Variants in JAK2 observed in about 807,000 individuals in gnomAD.
JAK2 encodes the protein tyrosine-protein kinase JAK2.
A neutral mutation model predicts 139.3 loss-of-function variants in JAK2; 86 were observed. The observed-to-expected ratio is 0.62, with a 90% CI of 0.52 to 0.74. The LOEUF is 0.74. Ranked by LOEUF, JAK2 falls within the 30% of genes least tolerant of loss-of-function variation. The pLI is 0.00. For missense variants in JAK2, 1,421 were observed against 1,360.3 expected (o/e 1.04, Z -0.70); for synonymous variants, 490 against 437.7 (o/e 1.12, Z -1.49).
chr9:5,059,355 A>G (rs756693077), intron 8 of JAK2, among the ~76,000 whole-genome samples: 2 of 152,180 alleles, frequency 1.3e-5, no homozygotes, highest in Admixed American at 6.6e-5. Context: ...TTTAGTTAGT[A>G]TAATGTTTGG....
rs533254998 is a variant in JAK2, at chr9:5,112,672, C to T, written c.3060-10332C>T. ...CCAAACTCCTTATCCTGCACCAGGCCGTCTCGGTCATCCTGAATTTGGAGC... is the reference window on the plus strand; with the variant it reads ...CCAAACTCCTTATCCTGCACCAGGCTGTCTCGGTCATCCTGAATTTGGAGC... On this transcript the variant is annotated intron_variant, in intron 22 of 24. Transcript: ENST00000381652. 11 of 946,248 alleles carry T rather than the reference C, an allele frequency of 1.2e-5. No homozygotes were observed. The East Asian group carries it at 2.1e-4, about 18-fold the overall frequency. 58.6% of individuals were successfully genotyped at this position (946,248 alleles called of 1,614,324 possible).
intron 8 of JAK2, among the ~76,000 whole-genome samples, chr9:5,062,810 T>C (rs997944028): frequency 6.6e-6 from 1 of 152,180 alleles, no homozygotes; most frequent in African/African-American, 2.4e-5. Flanking sequence ...TTTCCTTAAT[T>C]AGAACCTGAG....
In JAK2 at chr9:5,126,497, T is replaced by C. The variant is rs776977603; in HGVS notation, c.3291+51T>C. On this transcript the variant is annotated intron_variant, in intron 24 of 24. Transcript: ENST00000381652. ...TAGTCATGCATTTTCTTTTACTTTT[T>C]ACTCAAGGACTTCAGTTCACTTCCT... The C allele has an allele frequency of 9.3e-5, 119 of 1,276,546 alleles. No individual in the cohort carries two copies. The South Asian group carries it at 1.4e-3, about 15-fold the overall frequency. The allele number at this position is 1,276,546 out of a possible 1,614,324, so 79.1% of individuals were successfully genotyped here.
At chr9:4,996,414 C>G (rs1311986516) in intron 2 of JAK2, among the ~76,000 whole-genome samples, 1 of 151,908 alleles carries the variant, frequency 6.6e-6, no homozygotes, top group East Asian at 1.9e-4. Context: ...TGCCATTGCA[C>G]TCTAGCCTGG....
chr9:5,077,108 C>G (rs1359632103), intron 14 of JAK2, among the ~76,000 whole-genome samples: 1 of 151,402 alleles, frequency 6.6e-6, no homozygotes, highest in Non-Finnish European at 1.5e-5. Flanking sequence ...GTTTGAATGT[C>G]TAAAAAGTTA....
At position 5,105,137 on chromosome 9, in the gene JAK2, C is replaced by T. The variant is rs557272334; in HGVS notation, c.3059+14226C>T. 3.3e-5 allele frequency among the ~76,000 whole-genome samples: 5 copies of T among 152,288 alleles called. No individual in the cohort carries two copies. The East Asian group carries it at 7.7e-4, about 24-fold the overall frequency. On this transcript the variant is annotated intron_variant, in intron 22 of 24. Transcript: ENST00000381652. ...TCAAATTGTCCCTGTTTGCAGATGA[C>T]ACGACTGTATATTTAGAAAACTTGG...
intron 18 of JAK2, 59 bp from the exon 19 acceptor site, chr9:5,081,666 G>A (rs1390149967): frequency 3.2e-6 from 4 of 1,265,492 alleles, no homozygotes; most frequent in Non-Finnish European, 4.6e-6. Flanking sequence ...ATGTATATCA[G>A]TTTAGTCCAG....
rs192951425 is a variant in JAK2, at chr9:5,041,201, C to G, written c.351-3202C>G. The G allele has an allele frequency of 4.3e-5, 62 of 1,451,450 alleles. No homozygotes were observed. The East Asian group carries it at 1.4e-3, about 33-fold the overall frequency. 89.9% of individuals were successfully genotyped at this position (1,451,450 alleles called of 1,614,324 possible). ...GAACCTCATTTACCAGGACGTGAAG[C>G]CCGAGAACTTCCTGGTGGGGCGCCC... On this transcript the variant is annotated intron_variant, in intron 4 of 24. Coordinates refer to ENST00000381652, the MANE Select transcript of JAK2 (RefSeq NM_004972.4).
chr9:5,018,649 C>T (rs147338283), intron 2 of JAK2, among the ~76,000 whole-genome samples: 46 of 152,278 alleles, frequency 3.0e-4, no homozygotes, highest in African/African-American at 1.1e-3. Flanking sequence ...TGACATTGTT[C>T]TTTGACTTCC....
chr9:5,087,198 G>A (rs766102641), intron 19 of JAK2, among the ~76,000 whole-genome samples: 17 of 152,210 alleles, frequency 1.1e-4, no homozygotes, highest in African/African-American at 1.4e-4. Context: ...TTAATTGACT[G>A]ACAGTTACCC....
At chr9:5,112,050 G>T in intron 22 of JAK2, 1 of 409,152 alleles carries the variant, frequency 2.4e-6, no homozygotes. Context: ...ACCCAGCTAC[G>T]ACGGGGGTCT....
rs1400713508 is a variant in JAK2 at position 5,129,822 on chromosome 9, C to G, written c.*3031C>G. 6.6e-6 allele frequency among the ~76,000 whole-genome samples: 1 copy of G among 152,036 alleles called. No individual in the cohort carries two copies. The highest frequency in any genetic ancestry group is 2.4e-5 in the African/African-American group (1 of 41,406). On this transcript the variant is annotated 3_prime_UTR_variant, in exon 25 of 25. Transcript: ENST00000381652. ...AAATTCATGTATGTATATCATATAG[C>G]CTTTAACTTTTTACATTAATCAGAT...
chr9:5,065,161 C>T (rs1404018199), intron 9 of JAK2, 121 bp downstream of exon 9: 2 of 546,312 alleles, frequency 3.7e-6, no homozygotes, highest in Non-Finnish European at 2.9e-6. Flanking sequence ...TTTTTTTAAA[C>T]AAAAGGCTAT....
chr9:5,035,059 C>T (rs28861154), intron 4 of JAK2, among the ~76,000 whole-genome samples: 37,229 of 151,942 alleles, frequency 0.25, 4,663 homozygotes, highest in Middle Eastern at 0.27. Flanking sequence ...GATATCAACC[C>T]GATCCCACAG....
intron 22 of JAK2, chr9:5,097,015 A>T (rs903469582): frequency 6.6e-6 from 1 of 152,090 alleles, no homozygotes; most frequent in African/African-American, 2.4e-5. Flanking sequence ...TGCATCCTCA[A>T]TAGAAGCCGG....
chr9:5,004,896 A>T (rs983326168), intron 2 of JAK2, among the ~76,000 whole-genome samples: 9 of 149,186 alleles, frequency 6.0e-5, no homozygotes, highest in Non-Finnish European at 1.2e-4. Context: ...TTTCATGAAC[A>T]TGTTGGCCAT....
intron 16 of JAK2, 63 bp downstream of exon 16, chr9:5,078,507 C>T (rs1435260239): frequency 6.3e-6 from 8 of 1,268,926 alleles, no homozygotes; most frequent in Admixed American, 2.3e-5. Context: ...GTGTAAAGGG[C>T]ATGTTGTTAA....
chr9:5,033,892 A>G (rs1287082049), intron 4 of JAK2, among the ~76,000 whole-genome samples: 2 of 152,200 alleles, frequency 1.3e-5, no homozygotes, highest in Admixed American at 6.5e-5. Flanking sequence ...CCATAACAAT[A>G]TTAACCTTAA....
intron 8 of JAK2, among the ~76,000 whole-genome samples, chr9:5,063,800 T>C (rs922382096): frequency 6.6e-6 from 1 of 152,252 alleles, no homozygotes; most frequent in Non-Finnish European, 1.5e-5. Flanking sequence ...ATAATACGTC[T>C]ATATATTTTC....
Sources: gnomAD v4.1 joint callset for allele counts (sites outside exome capture counted in the v4.1 genomes callset) on GRCh38, gnomAD v4.1.1 for gene constraint, MANE v1.5 for transcripts, NCBI Gene and HGNC (gene_info 2026-07-23, HGNC 2026-07-21) for gene names.